Variants in IFT88 observed in about 807,000 individuals in gnomAD.
The protein encoded by IFT88 is intraflagellar transport 88, also known as intraflagellar transport protein 88 homolog.
In IFT88, 74 loss-of-function variants were observed where a neutral mutation model predicts 119.5. That is an observed-to-expected ratio of 0.62 (90% CI 0.51 to 0.75). The LOEUF is 0.75. Ranked by LOEUF, IFT88 falls within the 30% of genes least tolerant of loss-of-function variation. The probability of loss-of-function intolerance (pLI) is 0.00; values close to 1 mark genes in which losing one functional copy is unlikely to be tolerated. For missense variants in IFT88, 961 were observed against 977.7 expected (o/e 0.98, Z 0.23); for synonymous variants, 279 against 316.7 (o/e 0.88, Z 1.26).
At chr13:20,663,701 CAG>C (rs1158703623) in intron 23 of IFT88, 97 bp downstream of exon 23, 2 of 867,550 alleles carry the variant, frequency 2.3e-6, no homozygotes, top group Admixed American at 2.8e-5. Flanking sequence ...TATAAGAAAA[CAG>C]AGTTGAAATT....
intron 21 of IFT88, among the ~76,000 whole-genome samples, chr13:20,654,571 T>C (rs973340834): frequency 2.0e-5 from 3 of 152,180 alleles, no homozygotes; most frequent in African/African-American, 7.2e-5. Context: ...GAAAAGAAAG[T>C]ATTCAATCTA....
At chr13:20,610,749 G>C (rs901863451) in intron 13 of IFT88, among the ~76,000 whole-genome samples, 1 of 151,806 alleles carries the variant, frequency 6.6e-6, no homozygotes, top group African/African-American at 2.4e-5. Flanking sequence ...AAAGCAAATT[G>C]AAATATTAAC....
At chr13:20,594,484 G>A (rs904252668) in intron 7 of IFT88, among the ~76,000 whole-genome samples, 3 of 152,272 alleles carry the variant, frequency 2.0e-5, no homozygotes, top group South Asian at 4.1e-4. Flanking sequence ...GAAGAAGGGC[G>A]GGTGGCAGGC....
At chr13:20,577,671 A>G (rs548025769) in intron 2 of IFT88, among the ~76,000 whole-genome samples, 1 of 152,220 alleles carries the variant, frequency 6.6e-6, no homozygotes, top group East Asian at 1.9e-4. Context: ...GATTTGCATA[A>G]GTTGAACCAT....
intron 20 of IFT88, among the ~76,000 whole-genome samples, chr13:20,647,063 T>G (rs916897070): frequency 2.0e-5 from 3 of 152,230 alleles, no homozygotes; most frequent in Non-Finnish European, 4.4e-5. Context: ...CCCTCCTGTT[T>G]CTCTGATCTC....
At position 20,607,206 on chromosome 13, in the gene IFT88, C is replaced by CG. The variant is rs142626027; in HGVS notation, c.1112+2102dup. On this transcript the variant is annotated intron_variant, in intron 13 of 25. Transcript: ENST00000351808. ...CACGCCTGGCGCTTGCCCCCTGCAC[C>CG]GCCCATCTCAGGCCCCGGGCCCAGT... The CG allele has an allele frequency of 1.9e-3, 750 of 397,624 alleles. 21 individuals carry two copies. In the East Asian group the frequency reaches 0.048, roughly 25 times the overall value. 24.6% of individuals were successfully genotyped at this position (397,624 alleles called of 1,614,324 possible). A position where few individuals can be genotyped will look rare whatever the true frequency, so the allele number is the denominator to read the frequency against.
chr13:20,597,754 A>AAAATATATAT (rs1446969137), intron 9 of IFT88, among the ~76,000 whole-genome samples: 3 of 142,592 alleles, frequency 2.1e-5, no homozygotes, highest in Non-Finnish European at 3.1e-5. Flanking sequence ...TCAAAAAAAA[A>AAAATATATAT]ATATATATAT....
At chr13:20,640,153 C>T (rs776024732) in intron 17 of IFT88, among the ~76,000 whole-genome samples, 1 of 151,718 alleles carries the variant, frequency 6.6e-6, no homozygotes, top group Non-Finnish European at 1.5e-5. Context: ...TTTATGAAGC[C>T]CTTCTTAACT....
intron 7 of IFT88, among the ~76,000 whole-genome samples, chr13:20,595,174 A>G (rs994785491): frequency 6.6e-6 from 1 of 152,188 alleles, no homozygotes; most frequent in African/African-American, 2.4e-5. Flanking sequence ...TGAGGCAGAA[A>G]GATCGCTTAA....
chr13:20,650,595 C>G (rs1229633985), intron 20 of IFT88, among the ~76,000 whole-genome samples: 1 of 152,090 alleles, frequency 6.6e-6, no homozygotes, highest in Non-Finnish European at 1.5e-5. Context: ...CAACATGGTA[C>G]TGGAAGTTCT....
At chr13:20,578,497 G>A (rs1202530144) in intron 2 of IFT88, among the ~76,000 whole-genome samples, 2 of 151,226 alleles carry the variant, frequency 1.3e-5, no homozygotes, top group African/African-American at 4.9e-5. Flanking sequence ...CAATTTATTG[G>A]TATATAGGTG....
intron 24 of IFT88, among the ~76,000 whole-genome samples, chr13:20,683,899 TC>T (rs965510604): frequency 3.3e-5 from 5 of 152,002 alleles, no homozygotes; most frequent in Middle Eastern, 3.2e-3. Context: ...AATTTGAATT[TC>T]CCCATTGTAA....
intron 4 of IFT88, 128 bp downstream of exon 4, chr13:20,589,995 C>A: frequency 2.0e-6 from 1 of 500,552 alleles, no homozygotes; most frequent in Admixed American, 2.9e-5. Context: ...TGGATACTTA[C>A]AAACATTATA....
chr13:20,584,169 T>A (rs867695594), intron 3 of IFT88, among the ~76,000 whole-genome samples: 1,421 of 124,390 alleles, frequency 0.011, 23 homozygotes, highest in African/African-American at 0.038. Context: ...AAAAAAAAAA[T>A]GTCATTTGGA....
chr13:20,589,922 C>A, intron 4 of IFT88, 55 bp downstream of exon 4: 1 of 1,023,112 alleles, frequency 9.8e-7, no homozygotes, highest in Non-Finnish European at 1.5e-6. Flanking sequence ...CAATAGTTCA[C>A]TTTAGGCAGT....
chr13:20,629,145 T>C (rs1006125832), intron 15 of IFT88, among the ~76,000 whole-genome samples: 1 of 152,200 alleles, frequency 6.6e-6, no homozygotes, highest in Non-Finnish European at 1.5e-5. Context: ...TCAAGTGCCT[T>C]ATATTTTAAA....
At position 20,628,564 on chromosome 13, in the gene IFT88, CAT is replaced by C. The variant is rs1308586841; in HGVS notation, c.1300-2449_1300-2448del. On this transcript the variant is annotated intron_variant, in intron 15 of 25. Transcript: ENST00000351808. ...ACTTACAATATTTTACTTTTAAAAA[CAT>C]ATTTTATGTAGATTTATGGACATGT... Among the ~76,000 whole-genome samples, 15 of 152,162 alleles carry C rather than the reference CAT, an allele frequency of 9.9e-5. No individual in the cohort carries two copies. The East Asian group carries it at 2.5e-3, about 25-fold the overall frequency.
At chr13:20,579,515 C>T (rs1160900202) in intron 2 of IFT88, among the ~76,000 whole-genome samples, 2 of 152,166 alleles carry the variant, frequency 1.3e-5, no homozygotes. Flanking sequence ...TTGGTGAATT[C>T]TGCCAGGCCT....
chr13:20,660,151 G>A (rs2053548494), intron 22 of IFT88, among the ~76,000 whole-genome samples: 1 of 152,206 alleles, frequency 6.6e-6, no homozygotes, highest in Non-Finnish European at 1.5e-5. Flanking sequence ...AAACAGGTAA[G>A]GAGCTAGAGA....
Sources: allele counts gnomAD v4.1 joint callset (sites outside exome capture counted in the v4.1 genomes callset), GRCh38; gene constraint gnomAD v4.1.1; transcripts MANE v1.5; gene names NCBI Gene and HGNC (gene_info 2026-07-23, HGNC 2026-07-21).